The following DLGAP2 variants were observed in gnomAD, a reference collection of about 807,000 sequenced individuals.
DLGAP2 encodes the protein disks large-associated protein 2.
Under a neutral mutation model 100.3 loss-of-function variants are expected in DLGAP2, and 26 were observed. That is an observed-to-expected ratio of 0.26 (90% CI 0.19 to 0.36). DLGAP2 has a LOEUF of 0.36. Among genes scored for constraint, DLGAP2 ranks in the 10% least tolerant of loss-of-function variants. The pLI, the probability that DLGAP2 is intolerant of heterozygous loss-of-function variation, is 1.00. For missense variants in DLGAP2, 1,858 were observed against 1,453.2 expected, an observed-to-expected ratio of 1.28 and a Z score of -4.53; for synonymous variants, 886 against 630.1, an observed-to-expected ratio of 1.41 and a Z score of -6.08.
At chr8:1,183,969 G>C (rs1252052935) in intron 2 of DLGAP2, among the ~76,000 whole-genome samples, 1 of 152,162 alleles carries the variant, frequency 6.6e-6, no homozygotes, top group Non-Finnish European at 1.5e-5. Context: ...ATGTAAAAAT[G>C]ATATTTGGCC....
chr8:1,676,478 C>A, intron 10 of DLGAP2, 55 bp from the exon 11 acceptor site: 1 of 1,544,526 alleles, frequency 6.5e-7, no homozygotes, highest in South Asian at 1.2e-5. Flanking sequence ...CAAAATAGTC[C>A]CTTGCCCAGG....
Position 1,505,385 on chromosome 8 carries a change from C to A in DLGAP2, c.172+3954C>A, listed in dbSNP as rs189933158. Reference sequence around the variant, plus strand: ...TCTGGTCCTATTTCAAAGCATCAATCTTTTTTTTCCAACTCCCCTCAGTCT... The same window carrying A: ...TCTGGTCCTATTTCAAAGCATCAATATTTTTTTTCCAACTCCCCTCAGTCT... On this transcript the variant is annotated intron_variant, in intron 4 of 14. Coordinates refer to ENST00000637795, the MANE Select transcript of DLGAP2 (RefSeq NM_001346810.2). Among the ~76,000 whole-genome samples, 725 of 152,180 alleles carry A rather than the reference C, an allele frequency of 4.8e-3. 2 individuals carry two copies. The highest frequency in any genetic ancestry group is 0.017 in the Middle Eastern group (5 of 294).
At position 1,008,153 on chromosome 8, in the gene DLGAP2, G is replaced by A. The variant is rs545547427; in HGVS notation, c.73+100187G>A. ...ACCTTCCCATTTGGACATAATTTTT[G>A]TTTGAAATCAGGAACTAGTTGAAAC... On this transcript the variant is annotated intron_variant, in intron 2 of 14. Coordinates refer to ENST00000637795, the MANE Select transcript of DLGAP2 (RefSeq NM_001346810.2). 5.3e-5 allele frequency among the ~76,000 whole-genome samples: 8 copies of A among 152,298 alleles called. No homozygotes were observed. In the South Asian group the frequency reaches 6.2e-4, roughly 12 times the overall value.
chr8:1,498,054 A>T (rs1296913929), intron 3 of DLGAP2, among the ~76,000 whole-genome samples: 2 of 152,184 alleles, frequency 1.3e-5, no homozygotes, highest in African/African-American at 2.4e-5. Flanking sequence ...TGGGTCTGGA[A>T]AGGCAGGACA....
At chr8:1,000,516 G>A (rs1800923285) in intron 2 of DLGAP2, among the ~76,000 whole-genome samples, 1 of 151,742 alleles carries the variant, frequency 6.6e-6, no homozygotes, top group Non-Finnish European at 1.5e-5. Flanking sequence ...TTTTGCAATG[G>A]ATTTTCTATA....
intron 6 of DLGAP2, among the ~76,000 whole-genome samples, chr8:1,574,122 A>G (rs1286818603): frequency 1.3e-5 from 2 of 152,130 alleles, no homozygotes; most frequent in African/African-American, 4.8e-5. Context: ...CAAGTTCCCA[A>G]AGACAGCATA....
At position 1,705,166 on chromosome 8, in the gene DLGAP2, T is replaced by G. The variant is rs1445245799; in HGVS notation, c.*3760T>G. On this transcript the variant is annotated 3_prime_UTR_variant, in exon 15 of 15. Coordinates refer to ENST00000637795, the MANE Select transcript of DLGAP2 (RefSeq NM_001346810.2). ...CTGTTAGGGACAGTTGTCTGGTTTG[T>G]GCCAAACCTTCGAGGGGCGAGTAGG... The G allele has an allele frequency of 6.6e-6, 1 of 152,234 alleles. No homozygotes were observed. Among genetic ancestry groups the G allele is most frequent in the Non-Finnish European group, 1.5e-5 (1 of 68,054 alleles). The allele number at this position is 152,234 out of a possible 1,614,324, so 9.4% of individuals were successfully genotyped here.
chr8:1,519,694 G>T (rs1334839399), intron 4 of DLGAP2, among the ~76,000 whole-genome samples: 1 of 152,204 alleles, frequency 6.6e-6, no homozygotes, highest in African/African-American at 2.4e-5. Flanking sequence ...CTCATTGTGG[G>T]CCTGGGATCC....
At chr8:1,333,862 G>A (rs1801213194) in intron 3 of DLGAP2, among the ~76,000 whole-genome samples, 1 of 152,252 alleles carries the variant, frequency 6.6e-6, no homozygotes, top group African/African-American at 2.4e-5. Flanking sequence ...ATCTAGCAGA[G>A]CAGGGGGAAC....
intron 2 of DLGAP2, among the ~76,000 whole-genome samples, chr8:1,257,721 C>T (rs575880942): frequency 1.5e-4 from 23 of 150,580 alleles, no homozygotes; most frequent in African/African-American, 5.2e-4. Context: ...GGTGTCCTCC[C>T]GAGGGCCCGT....
At chr8:1,466,080 G>A (rs182486997) in intron 3 of DLGAP2, among the ~76,000 whole-genome samples, 1 of 152,270 alleles carries the variant, frequency 6.6e-6, no homozygotes, top group East Asian at 1.9e-4. Flanking sequence ...TGCTTGTGCT[G>A]TCTGACATAC....
chr8:1,009,585 G>A (rs559901232), intron 2 of DLGAP2, among the ~76,000 whole-genome samples: 1 of 152,328 alleles, frequency 6.6e-6, no homozygotes, highest in Admixed American at 6.5e-5. Flanking sequence ...AGTGGAAGTG[G>A]ATGGAGTCAG....
chr8:988,810 C>G (rs1462993562), intron 2 of DLGAP2, among the ~76,000 whole-genome samples: 1 of 152,128 alleles, frequency 6.6e-6, no homozygotes, highest in Non-Finnish European at 1.5e-5. Flanking sequence ...CCTGACCAAT[C>G]CTGCTTTTTC....
chr8:1,026,341 G>A lies in DLGAP2; in HGVS notation c.73+118375G>A, dbSNP rs993215467. On this transcript the variant is annotated intron_variant, in intron 2 of 14. Transcript: ENST00000637795. Reference sequence around the variant, plus strand: ...CCTTTGACAAACCACTGTGACTTCAGATTGCCGTTCACATGGAAGCTCCAC... The same window carrying A: ...CCTTTGACAAACCACTGTGACTTCAAATTGCCGTTCACATGGAAGCTCCAC... Among the ~76,000 whole-genome samples, 10 of 152,262 alleles carry A rather than the reference G, an allele frequency of 6.6e-5. No individual in the cohort carries two copies. The South Asian group carries it at 1.0e-3, about 16-fold the overall frequency.
chr8:769,066 G>C (rs1821290314), intron 1 of DLGAP2, among the ~76,000 whole-genome samples: 1 of 152,144 alleles, frequency 6.6e-6, no homozygotes, highest in Non-Finnish European at 1.5e-5. Flanking sequence ...TGCATGGTCA[G>C]GTGTGGTCCC....
chr8:1,494,827 C>T (rs533030724), intron 3 of DLGAP2, among the ~76,000 whole-genome samples: 2 of 152,254 alleles, frequency 1.3e-5, no homozygotes, highest in South Asian at 2.1e-4. Flanking sequence ...GCTCCAGCCA[C>T]GGGGTTGAGG....
chr8:1,345,278 T>G (rs375798952), intron 3 of DLGAP2, among the ~76,000 whole-genome samples: 2 of 65,916 alleles, frequency 3.0e-5, no homozygotes, highest in African/African-American at 4.2e-5. Flanking sequence ...TTTCTCTGCT[T>G]AAGATGGAGG....
chr8:796,241 C>G (rs761607369), intron 1 of DLGAP2, among the ~76,000 whole-genome samples: 1 of 152,168 alleles, frequency 6.6e-6, no homozygotes, highest in Admixed American at 6.5e-5. Flanking sequence ...AATTCACGAC[C>G]GGGCTCCCCG....
chr8:1,308,454 A>C (rs1800541594), intron 3 of DLGAP2, among the ~76,000 whole-genome samples: 1 of 152,244 alleles, frequency 6.6e-6, no homozygotes, highest in Non-Finnish European at 1.5e-5. Context: ...TCCAGTTTTC[A>C]ACAAAATGAC....
Sources: allele counts gnomAD v4.1 joint callset (sites outside exome capture counted in the v4.1 genomes callset), GRCh38; gene constraint gnomAD v4.1.1; transcripts MANE v1.5; gene names NCBI Gene and HGNC (gene_info 2026-07-23, HGNC 2026-07-21).